GOLIM4: variants seen among roughly 807,000 people sequenced by gnomAD.
GOLIM4 encodes 130 kDa golgi-localized phosphoprotein.
A neutral mutation model predicts 107.4 loss-of-function variants in GOLIM4; 71 were observed. That is an observed-to-expected ratio of 0.66 (90% CI 0.55 to 0.81). The LOEUF (loss-of-function observed/expected upper bound fraction) is 0.81. Ranked by LOEUF, GOLIM4 falls within the 30% of genes least tolerant of loss-of-function variation. The probability of loss-of-function intolerance (pLI) is 0.00; values close to 1 mark genes in which losing one functional copy is unlikely to be tolerated. For synonymous variants in GOLIM4, 327 were observed against 294.8 expected (o/e 1.11, Z -1.12); for missense variants, 830 against 826.1 (o/e 1.00, Z -0.06).
At chr3:168,023,898 TAAC>T (rs33954346) in intron 14 of GOLIM4, among the ~76,000 whole-genome samples, 4,729 of 152,288 alleles carry the variant, frequency 0.031, 225 homozygotes, top group African/African-American at 0.11. Context: ...TATATCTAAT[TAAC>T]AACAAGATGC....
At chr3:168,068,997 C>T (rs1035699326) in intron 1 of GOLIM4, among the ~76,000 whole-genome samples, 12 of 151,790 alleles carry the variant, frequency 7.9e-5, no homozygotes, top group African/African-American at 2.4e-4. Context: ...CCACCATGTC[C>T]GACTAATTTT....
intron 1 of GOLIM4, among the ~76,000 whole-genome samples, chr3:168,064,634 G>A (rs957947442): frequency 4.7e-5 from 7 of 148,034 alleles, no homozygotes; most frequent in African/African-American, 1.2e-4. Context: ...ACAGGGTCTC[G>A]CTACGTTGCC....
chr3:168,050,698 A>G (rs557056734), intron 1 of GOLIM4, among the ~76,000 whole-genome samples: 152 of 152,196 alleles, frequency 1.0e-3, no homozygotes, highest in African/African-American at 3.6e-3. Context: ...ACTAATGGAC[A>G]TATTATAGAC....
intron 1 of GOLIM4, among the ~76,000 whole-genome samples, chr3:168,086,526 C>A (rs537473903): frequency 6.6e-6 from 1 of 152,138 alleles, no homozygotes; most frequent in Non-Finnish European, 1.5e-5. Context: ...TAACTTCATG[C>A]ACTCCCAAAG....
chr3:168,044,927 C>G (rs775405191), intron 3 of GOLIM4, 46 bp from the exon 4 acceptor site: 1 of 1,113,960 alleles, frequency 9.0e-7, no homozygotes, highest in East Asian at 2.4e-5. Flanking sequence ...AAATATGGCT[C>G]TCTTGTTAAA....
In GOLIM4 at chr3:168,009,743, C is replaced by T. The variant is rs1027896989; in HGVS notation, c.*526G>A. 6.6e-6 allele frequency: 1 copy of T among 152,184 alleles called. No individual in the cohort carries two copies. The highest frequency in any genetic ancestry group is 1.5e-5 in the Non-Finnish European group (1 of 68,044). The allele number at this position is 152,184 out of a possible 1,614,324, so 9.4% of individuals were successfully genotyped here. On this transcript the variant is annotated 3_prime_UTR_variant, in exon 16 of 16. Coordinates refer to ENST00000470487, the MANE Select transcript of GOLIM4 (RefSeq NM_014498.5). ...CAAAAATGGATTTCCAATTGTATGT[C>T]ACTTTGTACATAGATCTCACTCCAG...
At position 168,009,558 on chromosome 3, in the gene GOLIM4, T is replaced by C. The variant is rs1716874060; in HGVS notation, c.*711A>G. 6.6e-6 allele frequency: 1 copy of C among 152,174 alleles called. No homozygotes were observed. The highest frequency in any genetic ancestry group is 1.5e-5 in the Non-Finnish European group (1 of 68,028). The allele number at this position is 152,174 out of a possible 1,614,324, so 9.4% of individuals were successfully genotyped here. ...TATGTTGATGTGTCCATACCTTGTT[T>C]GAACACTGCAATACCTGATTAAGAC... On this transcript the variant is annotated 3_prime_UTR_variant, in exon 16 of 16. Transcript: ENST00000470487.
intron 1 of GOLIM4, among the ~76,000 whole-genome samples, chr3:168,057,691 A>T (rs1270321908): frequency 1.3e-5 from 2 of 152,204 alleles, no homozygotes; most frequent in Non-Finnish European, 2.9e-5. Context: ...TTCAATAGAT[A>T]CTTCTTGAAT....
Position 168,066,178 on chromosome 3 carries a change from CT to C in GOLIM4, c.188-17814del, listed in dbSNP as rs71632490. On this transcript the variant is annotated intron_variant, in intron 1 of 15. Coordinates refer to ENST00000470487, the MANE Select transcript of GOLIM4 (RefSeq NM_014498.5). Reference sequence around the variant, plus strand: ...TGATTAGGGCCGAAGGGCTTAAGATCTTTTTTTTTTTCTGCAAAGTATCTGA... The same window carrying C: ...TGATTAGGGCCGAAGGGCTTAAGATCTTTTTTTTTTCTGCAAAGTATCTGA... Among the ~76,000 whole-genome samples, 454 of 147,262 alleles carry C rather than the reference CT, an allele frequency of 3.1e-3. 1 individual carries two copies. Among genetic ancestry groups the C allele is most frequent in the African/African-American group, 0.01 (417 of 40,254 alleles).
intron 1 of GOLIM4, among the ~76,000 whole-genome samples, chr3:168,074,598 A>G (rs1720980114): frequency 6.6e-6 from 1 of 152,302 alleles, no homozygotes; most frequent in East Asian, 1.9e-4. Context: ...AGAGATGGGA[A>G]GTAACATTAC....
chr3:168,049,605 C>T (rs1011751803), intron 1 of GOLIM4, among the ~76,000 whole-genome samples: 1 of 152,166 alleles, frequency 6.6e-6, no homozygotes, highest in African/African-American at 2.4e-5. Flanking sequence ...TGACTACATA[C>T]AATTTAAGCA....
At chr3:168,048,846 C>T (rs1026349486) in intron 1 of GOLIM4, among the ~76,000 whole-genome samples, 2 of 152,160 alleles carry the variant, frequency 1.3e-5, no homozygotes, top group Non-Finnish European at 2.9e-5. Flanking sequence ...TGAATTAAGG[C>T]TGCCTGGATC....
chr3:168,083,428 T>C (rs748676700), intron 1 of GOLIM4, among the ~76,000 whole-genome samples: 1 of 152,212 alleles, frequency 6.6e-6, no homozygotes, highest in African/African-American at 2.4e-5. Context: ...GGACATGATG[T>C]CTTCCACTTG....
chr3:168,074,680 A>T (rs1398913018), intron 1 of GOLIM4, among the ~76,000 whole-genome samples: 2 of 152,234 alleles, frequency 1.3e-5, no homozygotes, highest in Non-Finnish European at 2.9e-5. Context: ...GGGTGAAAGC[A>T]GGAAAACCAA....
Position 168,074,918 on chromosome 3 carries a change from TA to T in GOLIM4, c.187+20180del, listed in dbSNP as rs1257413902. Among the ~76,000 whole-genome samples, 4 of 152,316 alleles carry T rather than the reference TA, an allele frequency of 2.6e-5. No individual in the cohort carries two copies. The East Asian group carries it at 7.7e-4, about 29-fold the overall frequency. ...GAATAGTCCCAGACAGAGAGGAAATTAGATGTGATCTAGTGAGACATAAATC... is the reference window on the plus strand; with the variant it reads ...GAATAGTCCCAGACAGAGAGGAAATTGATGTGATCTAGTGAGACATAAATC... On this transcript the variant is annotated intron_variant, in intron 1 of 15. Transcript: ENST00000470487.
chr3:168,051,130 C>G (rs1019324483), intron 1 of GOLIM4, among the ~76,000 whole-genome samples: 2 of 152,006 alleles, frequency 1.3e-5, no homozygotes, highest in Non-Finnish European at 2.9e-5. Context: ...TTAGGAAGGA[C>G]AGAACTCATC....
chr3:168,040,703 T>C, intron 7 of GOLIM4, 83 bp downstream of exon 7: 1 of 819,700 alleles, frequency 1.2e-6, no homozygotes. Context: ...AAGATTGGCT[T>C]GTAAGAGACT....
intron 1 of GOLIM4, among the ~76,000 whole-genome samples, chr3:168,075,359 G>C (rs1236621804): frequency 6.9e-6 from 1 of 144,766 alleles, no homozygotes; most frequent in East Asian, 2.0e-4. Context: ...TGCAGTGGCG[G>C]GATCTCGGCT....
At position 168,040,825 on chromosome 3, in the gene GOLIM4, C is replaced by A; in HGVS notation, c.645G>T (p.Val215=). 1.2e-6 allele frequency: 2 copies of A among 1,613,434 alleles called. No individual in the cohort carries two copies. Among genetic ancestry groups the A allele is most frequent in the South Asian group, 1.1e-5 (1 of 91,018 alleles). The stretch of plus-strand genomic sequence containing the variant: ...GTGCACTCTTGTGGTCTTCCAAAGT[C>A]ACTACAAGTTGTTCATGCTCGGAGA... ...NLLSEHEQLV[V]TLEDHKSALA... is the part of the protein sequence containing the mutation. Residue 215 remains valine, a synonymous_variant, in exon 7 of 16, where the codon GTG becomes GTT. Transcript: ENST00000470487.
Sources: gnomAD v4.1 joint callset for allele counts (sites outside exome capture counted in the v4.1 genomes callset) on GRCh38, gnomAD v4.1.1 for gene constraint, MANE v1.5 for transcripts, NCBI Gene and HGNC (gene_info 2026-07-23, HGNC 2026-07-21) for gene names.